TMEM61: variants seen among roughly 807,000 people sequenced by gnomAD.
TMEM61 encodes the protein transmembrane protein 61.
TMEM61 carries 13 observed loss-of-function variants against 12.0 expected under a neutral mutation model. The observed-to-expected ratio is 1.08, with a 90% CI of 0.70 to 1.72. TMEM61 has a LOEUF of 1.72. TMEM61 is among the 40% of genes most tolerant of loss of function. The pLI is 0.00. For synonymous variants in TMEM61, 109 were observed against 121.4 expected, an observed-to-expected ratio of 0.90 and a Z score of 0.67; for missense variants, 249 against 276.9, an observed-to-expected ratio of 0.90 and a Z score of 0.71.
Position 54,986,156 on chromosome 1 carries a change from A to C in TMEM61, c.75A>C (p.Thr25=). Residue 25 remains threonine, a synonymous_variant, in exon 2 of 3, where the codon ACA becomes ACC. Transcript: ENST00000371268. Reference sequence around the variant, plus strand: ...GCTATTGCATGACAGTCAGCGGCACAGTGGTTCTGGTGGCCGGGACGCTCT... The same window carrying C: ...GCTATTGCATGACAGTCAGCGGCACCGTGGTTCTGGTGGCCGGGACGCTCT... ...TLRYCMTVSG[T]VVLVAGTLCF... The C allele has an allele frequency of 1.2e-6, 2 of 1,612,464 alleles. No individual in the cohort carries two copies. The highest frequency in any genetic ancestry group is 1.7e-6 in the Non-Finnish European group (2 of 1,178,916).
chr1:54,988,555 G>A (rs986767716), intron 2 of TMEM61, among the ~76,000 whole-genome samples: 1 of 152,244 alleles, frequency 6.6e-6, no homozygotes. Context: ...CCCCATGGGT[G>A]GCTACTCTGC....
In TMEM61 at chr1:54,980,923, C is replaced by T. The variant is rs769331824; in HGVS notation, c.-143C>T. 29 of 867,662 alleles carry T rather than the reference C, an allele frequency of 3.3e-5. No homozygotes were observed. The highest frequency in any genetic ancestry group is 3.8e-5 in the Non-Finnish European group (23 of 600,674). The allele number at this position is 867,662 out of a possible 1,614,324, so 53.7% of individuals were successfully genotyped here. A position where few individuals can be genotyped will look rare whatever the true frequency, so the allele number is the denominator to read the frequency against. Reference sequence around the variant, plus strand: ...AGGGCTCGGGGGCAGCGGCCAGGCCCCTCCGCCCCTAACACCCGCGCCTCC... The same window carrying T: ...AGGGCTCGGGGGCAGCGGCCAGGCCTCTCCGCCCCTAACACCCGCGCCTCC... On this transcript the variant is annotated 5_prime_UTR_variant, in exon 1 of 3. Transcript: ENST00000371268.
chr1:54,986,928 C>G (rs1434811614), intron 2 of TMEM61, among the ~76,000 whole-genome samples: 1 of 152,170 alleles, frequency 6.6e-6, no homozygotes, highest in Admixed American at 6.5e-5. Flanking sequence ...GCAATAATAG[C>G]AAACCCCTCT....
In TMEM61 at chr1:54,986,447, G is replaced by A. The variant is rs748271782; in HGVS notation, c.365+1G>A. 1 of 1,550,940 alleles carries A rather than the reference G, an allele frequency of 6.4e-7. No individual in the cohort carries two copies. Among genetic ancestry groups the A allele is most frequent in the East Asian group, 2.3e-5 (1 of 43,610 alleles). On this transcript the variant is annotated splice_donor_variant, in intron 2 of 2. Transcript: ENST00000371268. LOFTEE classifies it high-confidence loss of function. ...AGTCCTCAGAGAAGGAGAGCTGCAG[G>A]TCAGCAGGGCGGGGTGTGGCAGCGG...
At chr1:54,991,792 G>T (rs373373486) in intron 2 of TMEM61, 44 bp from the exon 3 acceptor site, 569 of 1,594,346 alleles carry the variant, frequency 3.6e-4, no homozygotes, top group South Asian at 5.1e-4. Context: ...AGGCAGCAGG[G>T]TCTGCCCCAG....
Position 54,986,187 on chromosome 1 carries a change from G to A in TMEM61, c.106G>A (p.Ala36Thr), listed in dbSNP as rs144225985. 3.6e-5 allele frequency: 58 copies of A among 1,613,752 alleles called. No individual in the cohort carries two copies. Among genetic ancestry groups the A allele is most frequent in the Non-Finnish European group, 3.6e-5 (42 of 1,179,896 alleles). The change falls in exon 2 of 3, where the codon GCT becomes ACT. Residue 36 changes from alanine to threonine, a missense_variant. Coordinates refer to ENST00000371268, the MANE Select transcript of TMEM61 (RefSeq NM_182532.3). Reference sequence around the variant, plus strand: ...TCTGGTGGCCGGGACGCTCTGCTTCGCTTGGTGGAGCGAAGGGGATGCAAC... The same window carrying A: ...TCTGGTGGCCGGGACGCTCTGCTTCACTTGGTGGAGCGAAGGGGATGCAAC... The part of the protein sequence containing the change: ...VVLVAGTLCF[A>T]WWSEGDATAQ...
chr1:54,986,835 C>T (rs958639451), intron 2 of TMEM61, among the ~76,000 whole-genome samples: 2 of 151,826 alleles, frequency 1.3e-5, no homozygotes, highest in African/African-American at 2.4e-5. Flanking sequence ...CTATCACAAA[C>T]TAGCAGTGGG....
chr1:54,989,484 G>T (rs1644281344), intron 2 of TMEM61, among the ~76,000 whole-genome samples: 1 of 152,234 alleles, frequency 6.6e-6, no homozygotes, highest in South Asian at 2.1e-4. Flanking sequence ...CCAAAGATTG[G>T]GGTGAGCCCT....
At chr1:54,983,421 C>A (rs529882953) in intron 1 of TMEM61, among the ~76,000 whole-genome samples, 1 of 152,202 alleles carries the variant, frequency 6.6e-6, no homozygotes, top group African/African-American at 2.4e-5. Flanking sequence ...CTGTGCCCAG[C>A]CTGTATTTTT....
chr1:54,986,422 A>T lies in TMEM61; in HGVS notation c.341A>T (p.Glu114Val), dbSNP rs755947686. 1.3e-6 allele frequency: 2 copies of T among 1,578,120 alleles called. No individual in the cohort carries two copies. The highest frequency in any genetic ancestry group is 2.7e-5 in the African/African-American group (2 of 74,508). Residue 114 changes from glutamate (E) to valine (V), a missense_variant, in exon 2 of 3, where the codon GAG becomes GTG. By Grantham distance (121) the Glu-to-Val change is moderately radical (BLOSUM62 -2). Coordinates refer to ENST00000371268, the MANE Select transcript of TMEM61 (RefSeq NM_182532.3). ...LSRDLYYLTV[E>V]SSEKESCRTP... ...AGAGACCTGTACTACCTCACTGTGG[A>T]GTCCTCAGAGAAGGAGAGCTGCAGG... is the stretch of plus-strand genomic sequence containing the variant.
At position 54,980,818 on chromosome 1, in the gene TMEM61, G is replaced by A; in HGVS notation, c.-248G>A. On this transcript the variant is annotated 5_prime_UTR_variant, in exon 1 of 3. The change creates a new upstream start codon in the 5' untranslated region. Coordinates refer to ENST00000371268, the MANE Select transcript of TMEM61 (RefSeq NM_182532.3). Reference sequence around the variant, plus strand: ...GCCTGGCTCGGTCCCTGCGCACCGGGTGCGGGCGGCGGAGAGGGCGCGGCT... The same window carrying A: ...GCCTGGCTCGGTCCCTGCGCACCGGATGCGGGCGGCGGAGAGGGCGCGGCT... 3 of 390,208 alleles carry A rather than the reference G, an allele frequency of 7.7e-6. No individual in the cohort carries two copies. The highest frequency in any genetic ancestry group is 1.4e-5 in the Non-Finnish European group (3 of 221,346). The allele number at this position is 390,208 out of a possible 1,614,324, so 24.2% of individuals were successfully genotyped here.
In TMEM61 at chr1:54,986,195, G is replaced by A; in HGVS notation, c.114G>A (p.Trp38Ter). The A allele has an allele frequency of 6.2e-7, 1 of 1,613,836 alleles. No individual in the cohort carries two copies. Among genetic ancestry groups the A allele is most frequent in the South Asian group, 1.1e-5 (1 of 91,046 alleles). Residue 38 changes from tryptophan (W) to a stop codon, truncating the protein, a stop_gained, in exon 2 of 3, where the codon TGG becomes TGA. Transcript: ENST00000371268. LOFTEE classifies it high-confidence loss of function. ...LVAGTLCFAW[W>*]SEGDATAQPG... ...CCGGGACGCTCTGCTTCGCTTGGTG[G>A]AGCGAAGGGGATGCAACCGCCCAGC...
intron 1 of TMEM61, among the ~76,000 whole-genome samples, chr1:54,982,347 A>G (rs966589673): frequency 2.0e-5 from 3 of 152,164 alleles, no homozygotes; most frequent in Non-Finnish European, 2.9e-5. Flanking sequence ...GGTCTAGTAG[A>G]GGGTCCAGGT....
In TMEM61 at chr1:54,986,086, T is replaced by C. The variant is rs779829125; in HGVS notation, c.16-11T>C. ...GCCCATTTCCTCTTCTCCCTCCTTC[T>C]CTGTGTCCAGATGTGTGACGGGAGC... On this transcript the variant is annotated splice_polypyrimidine_tract_variant and intron_variant, in intron 1 of 2. Coordinates refer to ENST00000371268, the MANE Select transcript of TMEM61 (RefSeq NM_182532.3). The C allele has an allele frequency of 1.0e-4, 157 of 1,566,676 alleles. 1 individual carries two copies. The highest frequency in any genetic ancestry group is 2.2e-5 in the Non-Finnish European group (25 of 1,151,590).
At chr1:54,986,043 T>A (rs1644255454) in intron 1 of TMEM61, 54 bp from the exon 2 acceptor site, 1 of 1,493,564 alleles carries the variant, frequency 6.7e-7, no homozygotes, top group Non-Finnish European at 9.1e-7. Flanking sequence ...ACACCTGGCC[T>A]CCAGCACCTT....
rs575857558 is a variant in TMEM61, at chr1:54,986,841, G to T, written c.365+395G>T. 2.2e-4 allele frequency among the ~76,000 whole-genome samples: 33 copies of T among 151,958 alleles called. No individual in the cohort carries two copies. In the South Asian group the frequency reaches 6.6e-3, roughly 31 times the overall value. On this transcript the variant is annotated intron_variant, in intron 2 of 2. Transcript: ENST00000371268. ...GTTCTGGTTCTATCACAAACTAGCA[G>T]TGGGACTTTGAGTAGGTCATGCAAT... is the stretch of plus-strand genomic sequence containing the variant.
chr1:54,980,949 T>G lies in TMEM61; in HGVS notation c.-117T>G. On this transcript the variant is annotated 5_prime_UTR_variant, in exon 1 of 3. Coordinates refer to ENST00000371268, the MANE Select transcript of TMEM61 (RefSeq NM_182532.3). Reference sequence around the variant, plus strand: ...CTCCGCCCCTAACACCCGCGCCTCCTGCAGACCCGAGGGTCGCCGCTGGTA... The same window carrying G: ...CTCCGCCCCTAACACCCGCGCCTCCGGCAGACCCGAGGGTCGCCGCTGGTA... 1 of 1,178,386 alleles carries G rather than the reference T, an allele frequency of 8.5e-7. No homozygotes were observed. The highest frequency in any genetic ancestry group is 1.1e-6 in the Non-Finnish European group (1 of 870,956). 73.0% of individuals were successfully genotyped at this position (1,178,386 alleles called of 1,614,324 possible).
At chr1:54,986,963 T>C (rs1644265526) in intron 2 of TMEM61, among the ~76,000 whole-genome samples, 2 of 152,212 alleles carry the variant, frequency 1.3e-5, no homozygotes, top group South Asian at 4.1e-4. Context: ...TGCCAGGCAC[T>C]GTTCAAAGTG....
At chr1:54,983,122 G>GTTTTT (rs77100620) in intron 1 of TMEM61, among the ~76,000 whole-genome samples, 2 of 124,826 alleles carry the variant, frequency 1.6e-5, no homozygotes, top group African/African-American at 2.9e-5. Flanking sequence ...TTTTTTTTTT[G>GTTTTT]TTTTTTTTTG....
Sources: allele counts gnomAD v4.1 joint callset (sites outside exome capture counted in the v4.1 genomes callset), GRCh38; gene constraint gnomAD v4.1.1; transcripts MANE v1.5; gene names NCBI Gene and HGNC (gene_info 2026-07-23, HGNC 2026-07-21).